Variants in CAMK1 observed in about 807,000 individuals in gnomAD.
CAMK1 encodes the protein calcium/calmodulin dependent protein kinase I.
In CAMK1, 39 loss-of-function variants were observed where a neutral mutation model predicts 49.1. The observed-to-expected ratio is 0.79, with a 90% CI of 0.62 to 1.04. CAMK1 has a LOEUF of 1.04. CAMK1 is among the 50% of genes least tolerant of loss of function. The pLI is 0.00. For synonymous variants in CAMK1, 192 were observed against 185.2 expected, an observed-to-expected ratio of 1.04 and a Z score of -0.30; for missense variants, 457 against 472.2, an observed-to-expected ratio of 0.97 and a Z score of 0.30.
At chr3:9,766,927 C>T (rs2078171181) in intron 2 of CAMK1, among the ~76,000 whole-genome samples, 1 of 152,160 alleles carries the variant, frequency 6.6e-6, no homozygotes, top group African/African-American at 2.4e-5. Flanking sequence ...TATCCAGCCT[C>T]CCTGGCCTGG....
In CAMK1 at chr3:9,763,174, A is replaced by C. The variant is rs745723089; in HGVS notation, c.255T>G (p.Tyr85Ter). The C allele has an allele frequency of 8.1e-6, 13 of 1,613,970 alleles. No individual in the cohort carries two copies. Among genetic ancestry groups the C allele is most frequent in the Admixed American group, 1.7e-5 (1 of 60,006 alleles). Residue 85 changes from tyrosine to a stop codon, truncating the protein, a stop_gained, in exon 4 of 12, where the codon TAT becomes TAG. Transcript: ENST00000256460. LOFTEE classifies it high-confidence loss of function. ...HPNIVALDDIYESGGHLYLIM... is the reference protein window; with the variant it reads ...HPNIVALDDI The stretch of plus-strand genomic sequence containing the variant: ...TGAGGTAGAGGTGGCCCCCACTCTC[A>C]TAGATGTCATCCAGGGCTACAATGT...
At chr3:9,760,832 C>G in intron 7 of CAMK1, 64 bp from the exon 8 acceptor site, 1 of 1,603,898 alleles carries the variant, frequency 6.2e-7, no homozygotes, top group Non-Finnish European at 8.5e-7. Context: ...GGGTGGAGCA[C>G]TGGGGCAGTC....
intron 3 of CAMK1, among the ~76,000 whole-genome samples, chr3:9,764,311 T>C (rs912142484): frequency 6.6e-6 from 1 of 152,224 alleles, no homozygotes; most frequent in Non-Finnish European, 1.5e-5. Context: ...TTTTCTTTTT[T>C]TGAGACGGAG....
intron 3 of CAMK1, 61 bp from the exon 4 acceptor site, chr3:9,763,274 A>T: frequency 6.2e-7 from 1 of 1,603,108 alleles, no homozygotes; most frequent in East Asian, 2.2e-5. Context: ...AGTCCAAGCT[A>T]CTTGGGAACT....
intron 10 of CAMK1, 159 bp from the exon 11 acceptor site, chr3:9,758,005 C>T (rs917664543): frequency 1.7e-6 from 2 of 1,203,936 alleles, no homozygotes; most frequent in East Asian, 2.6e-5. Flanking sequence ...CTCTACAAGG[C>T]TTTATTATAT....
chr3:9,759,470 C>G lies in CAMK1; in HGVS notation c.912+18G>C, dbSNP rs1173258008. On this transcript the variant is annotated intron_variant, in intron 10 of 11. Coordinates refer to ENST00000256460, the MANE Select transcript of CAMK1 (RefSeq NM_003656.5). Reference sequence around the variant, plus strand: ...AGTCCTGGGGAGGCTGGGACCAGAACTAGGGATATGGACTCACCTTCCACT... The same window carrying G: ...AGTCCTGGGGAGGCTGGGACCAGAAGTAGGGATATGGACTCACCTTCCACT... 2 of 1,614,162 alleles carry G rather than the reference C, an allele frequency of 1.2e-6. No homozygotes were observed. The highest frequency in any genetic ancestry group is 1.7e-6 in the Non-Finnish European group (2 of 1,180,018).
chr3:9,767,857 G>A, intron 1 of CAMK1, 76 bp from the exon 2 acceptor site: 1 of 1,509,422 alleles, frequency 6.6e-7, no homozygotes, highest in Non-Finnish European at 8.9e-7. Flanking sequence ...GCCCCATTCA[G>A]TCATTCAACC....
At position 9,757,450 on chromosome 3, in the gene CAMK1, G is replaced by A; in HGVS notation, c.*89C>T. ...GGGAAGCAGGTGAGGAGGGGACAGG[G>A]CAGAGAAACTCCCGGTTCAGGGAGG... is the stretch of plus-strand genomic sequence containing the variant. On this transcript the variant is annotated 3_prime_UTR_variant, in exon 12 of 12. Coordinates refer to ENST00000256460, the MANE Select transcript of CAMK1 (RefSeq NM_003656.5). This position sits in a 1 kb window ranked among gnomAD's most constrained non-coding sequence, Gnocchi z 4.5. 1 of 1,604,334 alleles carries A rather than the reference G, an allele frequency of 6.2e-7. No homozygotes were observed. Among genetic ancestry groups the A allele is most frequent in the Non-Finnish European group, 8.5e-7 (1 of 1,173,750 alleles).
At chr3:9,766,364 T>C in intron 2 of CAMK1, 1 of 643,738 alleles carries the variant, frequency 1.6e-6, no homozygotes, top group East Asian at 2.9e-5. Flanking sequence ...TTCATCCCTT[T>C]TTCTGCTAAT....
Position 9,761,483 on chromosome 3 carries a change from T to G in CAMK1, c.610A>C (p.Ile204Leu). The stretch of plus-strand genomic sequence containing the variant: ...TACAAGATGTAGGCGATGACACCTA[T>G]GGACCAGCAATCCACAGCCTTGCTG... The part of the protein sequence containing the change: ...PYSKAVDCWS[I>L]GVIAYILLCG... The change falls in exon 7 of 12, where the codon ATA becomes CTA. Residue 204 changes from isoleucine (I) to leucine (L), a missense_variant. Coordinates refer to ENST00000256460, the MANE Select transcript of CAMK1 (RefSeq NM_003656.5). 2 of 1,613,146 alleles carry G rather than the reference T, an allele frequency of 1.2e-6. No homozygotes were observed. Among genetic ancestry groups the G allele is most frequent in the Non-Finnish European group, 1.7e-6 (2 of 1,179,552 alleles).
intron 8 of CAMK1, 86 bp from the exon 9 acceptor site, chr3:9,759,836 G>T: frequency 6.2e-7 from 1 of 1,608,880 alleles, no homozygotes; most frequent in Non-Finnish European, 8.5e-7. Flanking sequence ...CCTCAGGTCT[G>T]GCCTGGCATC....
chr3:9,764,614 TTTG>T (rs1412473471), intron 3 of CAMK1, among the ~76,000 whole-genome samples: 43 of 117,098 alleles, frequency 3.7e-4, no homozygotes, highest in African/African-American at 1.5e-3. Flanking sequence ...GCCTGGCGTT[TTTG>T]TTTTTTTTTT....
At position 9,759,474 on chromosome 3, in the gene CAMK1, G is replaced by A. The variant is rs1416165525; in HGVS notation, c.912+14C>T. The A allele has an allele frequency of 1.2e-6, 2 of 1,614,102 alleles. No individual in the cohort carries two copies. Among genetic ancestry groups the A allele is most frequent in the South Asian group, 1.1e-5 (1 of 91,072 alleles). ...CTGGGGAGGCTGGGACCAGAACTAG[G>A]GATATGGACTCACCTTCCACTTGCT... On this transcript the variant is annotated intron_variant, in intron 10 of 11. Transcript: ENST00000256460.
chr3:9,757,400 A>G lies in CAMK1; in HGVS notation c.*139T>C. 6.2e-7 allele frequency: 1 copy of G among 1,611,124 alleles called. No individual in the cohort carries two copies. Among genetic ancestry groups the G allele is most frequent in the Non-Finnish European group, 8.5e-7 (1 of 1,178,470 alleles). ...GGAACAATAAAATAGAAACATTTGT[A>G]TGGAAAATGCAGTGAGGAGTGGTAG... On this transcript the variant is annotated 3_prime_UTR_variant, in exon 12 of 12. Coordinates refer to ENST00000256460, the MANE Select transcript of CAMK1 (RefSeq NM_003656.5). The surrounding 1 kb of genome is among the most constrained non-coding windows in gnomAD (Gnocchi z 4.5).
chr3:9,762,850 G>T, intron 5 of CAMK1, 64 bp downstream of exon 5: 2 of 1,547,522 alleles, frequency 1.3e-6, no homozygotes, highest in Non-Finnish European at 1.8e-6. Context: ...AGGTCAGACA[G>T]TTTGGGGTTT....
intron 8 of CAMK1, chr3:9,760,077 C>A: frequency 4.5e-6 from 1 of 222,390 alleles, no homozygotes; most frequent in Non-Finnish European, 9.1e-6. Flanking sequence ...CTTGTTTCTA[C>A]TAAAAATACA....
chr3:9,766,461 A>T, intron 2 of CAMK1: 4 of 412,408 alleles, frequency 9.7e-6, no homozygotes, highest in Non-Finnish European at 1.8e-5. Flanking sequence ...CAAAATCTCT[A>T]CTGCTTTGGA....
intron 8 of CAMK1, 33 bp from the exon 9 acceptor site, chr3:9,759,783 C>T: frequency 6.2e-7 from 1 of 1,614,092 alleles, no homozygotes; most frequent in East Asian, 2.2e-5. Context: ...AAGATAATGA[C>T]AGCATGGTAC....
At chr3:9,766,612 A>T in intron 2 of CAMK1, 1 of 1,030,898 alleles carries the variant, frequency 9.7e-7, no homozygotes, top group Non-Finnish European at 1.2e-6. Context: ...GTTTTAGAAC[A>T]GGTTCTTAAA....
Sources: gnomAD v4.1 joint callset for allele counts (sites outside exome capture counted in the v4.1 genomes callset) on GRCh38, gnomAD v4.1.1 for gene constraint, Gnocchi (gnomAD v3.1) non-coding constraint, MANE v1.5 for transcripts, NCBI Gene and HGNC (gene_info 2026-07-23, HGNC 2026-07-21) for gene names.